NTN4: variants seen among roughly 807,000 people sequenced by gnomAD.
NTN4 encodes the protein netrin-4.
A neutral mutation model predicts 73.6 loss-of-function variants in NTN4; 32 were observed. The ratio of observed to expected loss-of-function variants is 0.44; its 90% confidence interval spans 0.33 to 0.58. NTN4 has a LOEUF of 0.58. Among genes scored for constraint, NTN4 ranks in the 20% least tolerant of loss-of-function variants. NTN4 has a pLI of 0.04. For missense variants in NTN4, 654 were observed against 798.3 expected (o/e 0.82, Z 2.18); for synonymous variants, 258 against 287.5 (o/e 0.90, Z 1.04).
chr12:95,741,438 TATATATATATATATATATATA>T (rs2078824297), intron 2 of NTN4, among the ~76,000 whole-genome samples: 11 of 101,064 alleles, frequency 1.1e-4, no homozygotes, highest in Non-Finnish European at 2.3e-4. Context: ...TATATATATA[TATATATATATATATATATATA>T]TATATATATA....
At chr12:95,672,632 G>A (rs2078241997) in intron 7 of NTN4, 3 of 1,522,210 alleles carry the variant, frequency 2.0e-6, no homozygotes, top group African/African-American at 1.4e-5. Flanking sequence ...GCATGGTGAG[G>A]CCCAGGTGAA....
In NTN4 at chr12:95,752,041, C is replaced by T. The variant is rs541487514; in HGVS notation, c.586-13897G>A. On this transcript the variant is annotated intron_variant, in intron 2 of 9. Coordinates refer to ENST00000343702, the MANE Select transcript of NTN4 (RefSeq NM_021229.4). ...CAATCCAAAGCTTCCTTTGCGTCCT[C>T]CTCTTGTATCCCCCCACCTTAACCC... 4.2e-3 allele frequency among the ~76,000 whole-genome samples: 634 copies of T among 151,838 alleles called. 5 individuals carry two copies. The highest frequency in any genetic ancestry group is 6.5e-3 in the Non-Finnish European group (444 of 67,960).
At chr12:95,729,613 AAGAG>A (rs59395729) in intron 3 of NTN4, among the ~76,000 whole-genome samples, 24,002 of 137,002 alleles carry the variant, frequency 0.18, 2,329 homozygotes, top group Non-Finnish European at 0.22. Flanking sequence ...AATTATTATA[AAGAG>A]AGAGAGAGAG....
chr12:95,718,204 A>G (rs189530119), intron 3 of NTN4, among the ~76,000 whole-genome samples: 311 of 152,332 alleles, frequency 2.0e-3, no homozygotes, highest in Admixed American at 4.9e-3. Flanking sequence ...AATTTAGGTC[A>G]GGGGGAGGTG....
intron 2 of NTN4, among the ~76,000 whole-genome samples, chr12:95,774,476 C>A (rs1398871268): frequency 6.6e-6 from 1 of 152,196 alleles, no homozygotes; most frequent in Non-Finnish European, 1.5e-5. Flanking sequence ...ACTACTGCTA[C>A]TGTGGAGATA....
rs551626550 is a variant in NTN4, at chr12:95,683,665, T to C, written c.1227A>G (p.Ser409=). 8.4e-5 allele frequency: 135 copies of C among 1,613,674 alleles called. No individual in the cohort carries two copies. In the South Asian group the frequency reaches 1.4e-3, roughly 17 times the overall value. ...CATTGCTGGGGTCGCAGAAGGTCACTGAGTTGGCAGGAAGGACAGCTGATC... is the reference window on the plus strand; with the variant it reads ...CATTGCTGGGGTCGCAGAAGGTCACCGAGTTGGCAGGAAGGACAGCTGATC... ...PVGSAVLPAN[S]VTFCDPSNGD... Residue 409 remains serine, a synonymous_variant, in exon 6 of 10, where the codon TCA becomes TCG. Coordinates refer to ENST00000343702, the MANE Select transcript of NTN4 (RefSeq NM_021229.4).
At chr12:95,768,972 C>T (rs1468820619) in intron 2 of NTN4, among the ~76,000 whole-genome samples, 1 of 152,108 alleles carries the variant, frequency 6.6e-6, no homozygotes, top group East Asian at 1.9e-4. Context: ...GCCATGTATA[C>T]ATCTATTTTC....
rs375781245 is a variant in NTN4, at chr12:95,787,342, T to C, written c.182A>G (p.Tyr61Cys). 1 of 1,614,096 alleles carries C rather than the reference T, an allele frequency of 6.2e-7. No homozygotes were observed. The highest frequency in any genetic ancestry group is 1.3e-5 in the African/African-American group (1 of 74,932). ...TTCGQNATEL[Y>C]CFYSENTDLT... ...ATCCGTGTTCTCACTGTAGAAGCAG[T>C]ACAGTTCGGTAGCATTCTGACCGCA... The change falls in exon 2 of 10, where the codon TAC becomes TGC. Residue 61 changes from tyrosine to cysteine, a missense_variant. Tyr to Cys is a radical substitution (Grantham distance 194, BLOSUM62 -2). Transcript: ENST00000343702.
At chr12:95,780,478 C>G (rs1358987963) in intron 2 of NTN4, among the ~76,000 whole-genome samples, 1 of 152,062 alleles carries the variant, frequency 6.6e-6, no homozygotes, top group Non-Finnish European at 1.5e-5. Flanking sequence ...ACCCCATCAA[C>G]AAGTAGGCGA....
At chr12:95,747,260 G>C (rs1592700815) in intron 2 of NTN4, among the ~76,000 whole-genome samples, 1 of 152,234 alleles carries the variant, frequency 6.6e-6, no homozygotes, top group Middle Eastern at 3.4e-3. Context: ...GAATATACCA[G>C]TAAACTCCCA....
At chr12:95,748,721 T>A (rs923568152) in intron 2 of NTN4, among the ~76,000 whole-genome samples, 2 of 152,228 alleles carry the variant, frequency 1.3e-5, no homozygotes, top group Non-Finnish European at 2.9e-5. Context: ...TCCACCCAGC[T>A]TGGCCTCCCG....
chr12:95,723,927 C>T (rs1286966808), intron 3 of NTN4, among the ~76,000 whole-genome samples: 1 of 152,138 alleles, frequency 6.6e-6, no homozygotes, highest in African/African-American at 2.4e-5. Context: ...ATCTTTGACT[C>T]ATGTTCGTTT....
chr12:95,771,091 G>T (rs1038689366), intron 2 of NTN4, among the ~76,000 whole-genome samples: 15 of 150,678 alleles, frequency 1.0e-4, no homozygotes, highest in African/African-American at 3.7e-4. Context: ...CCGGGTTCAC[G>T]CCATTCTCCT....
intron 2 of NTN4, among the ~76,000 whole-genome samples, chr12:95,771,013 A>G (rs11108255): frequency 0.85 from 120,727 of 142,232 alleles, 51,704 homozygotes; most frequent in African/African-American, 0.9. Flanking sequence ...TTTTTGAGAC[A>G]GAGTCTCGCT....
At chr12:95,742,107 T>C (rs1386362688) in intron 2 of NTN4, among the ~76,000 whole-genome samples, 1 of 152,138 alleles carries the variant, frequency 6.6e-6, no homozygotes, top group East Asian at 1.9e-4. Flanking sequence ...TGTGCCCCAG[T>C]GTAACAGAGA....
At chr12:95,704,626 C>T (rs1487285367) in intron 5 of NTN4, among the ~76,000 whole-genome samples, 1 of 152,034 alleles carries the variant, frequency 6.6e-6, no homozygotes, top group East Asian at 1.9e-4. Flanking sequence ...AATCAAACAA[C>T]GTAGGTAGAG....
At chr12:95,713,482 G>T in intron 3 of NTN4, 144 bp from the exon 4 acceptor site, 1 of 873,060 alleles carries the variant, frequency 1.1e-6, no homozygotes, top group Non-Finnish European at 1.6e-6. Context: ...ATCAAGAGGA[G>T]AGATGCTTTC....
At chr12:95,783,305 T>A (rs779535997) in intron 2 of NTN4, among the ~76,000 whole-genome samples, 1 of 152,204 alleles carries the variant, frequency 6.6e-6, no homozygotes, top group African/African-American at 2.4e-5. Flanking sequence ...ACATCCTAAA[T>A]CTCCCATTTG....
intron 7 of NTN4, among the ~76,000 whole-genome samples, chr12:95,678,383 C>T (rs562880011): frequency 7.4e-5 from 11 of 149,296 alleles, no homozygotes; most frequent in Admixed American, 1.3e-4. Context: ...AGTTTGATAC[C>T]GGAAAAAAAT....
Sources: allele counts gnomAD v4.1 joint callset (sites outside exome capture counted in the v4.1 genomes callset), GRCh38; gene constraint gnomAD v4.1.1; transcripts MANE v1.5; gene names NCBI Gene and HGNC (gene_info 2026-07-23, HGNC 2026-07-21).